NR1H4: variants seen among roughly 807,000 people sequenced by gnomAD.
NR1H4 encodes the protein nuclear receptor subfamily 1 group H member 4.
In NR1H4, 23 loss-of-function variants were observed where a neutral mutation model predicts 58.5. The ratio of observed to expected loss-of-function variants is 0.39; its 90% CI spans 0.28 to 0.56. The LOEUF (loss-of-function observed/expected upper bound fraction) is 0.56. Ranked by LOEUF, NR1H4 falls within the 20% of genes least tolerant of loss-of-function variation. NR1H4 has a pLI of 0.58. For missense variants in NR1H4, 487 were observed against 576.9 expected (o/e 0.84, Z 1.60); for synonymous variants, 214 against 198.0 (o/e 1.08, Z -0.68).
At chr12:100,526,229 C>A (rs1002913519) in intron 4 of NR1H4, among the ~76,000 whole-genome samples, 2 of 129,170 alleles carry the variant, frequency 1.5e-5, no homozygotes, top group Admixed American at 1.5e-4. Context: ...TTAATTTGTT[C>A]TTTTCTAGTT....
intron 4 of NR1H4, among the ~76,000 whole-genome samples, chr12:100,511,352 T>TAG (rs1486408043): frequency 6.6e-6 from 1 of 152,218 alleles, no homozygotes; most frequent in Admixed American, 6.5e-5. Context: ...TTAAGACTGT[T>TAG]AGAGTATCTA....
intron 9 of NR1H4, among the ~76,000 whole-genome samples, chr12:100,551,727 T>C (rs1411978872): frequency 2.0e-5 from 3 of 152,246 alleles, no homozygotes; most frequent in Non-Finnish European, 2.9e-5. Context: ...TTAGATATTA[T>C]GTATTTATTT....
At position 100,475,159 on chromosome 12, in the gene NR1H4, A is replaced by ATCTATCTATCTATCT. The variant is rs1555330004; in HGVS notation, c.-190+1100_-190+1101insTCTATCTATCTATCT. Reference sequence around the variant, plus strand: ...TATCTATCTATCTATCTATCTATCTAAATTTTTTTTTCTGTTCCTAAAAAA... The same window carrying ATCTATCTATCTATCT: ...TATCTATCTATCTATCTATCTATCTATCTATCTATCTATCTAATTTTTTTTTCTGTTCCTAAAAAA... On this transcript the variant is annotated intron_variant, in intron 1 of 10. Transcript: ENST00000392986. 3.1e-3 allele frequency among the ~76,000 whole-genome samples: 455 copies of ATCTATCTATCTATCT among 147,846 alleles called. 1 individual carries two copies. The highest frequency in any genetic ancestry group is 0.011 in the African/African-American group (409 of 38,154).
intron 8 of NR1H4, among the ~76,000 whole-genome samples, chr12:100,537,470 G>A: frequency 6.6e-6 from 1 of 152,140 alleles, no homozygotes; most frequent in East Asian, 1.9e-4. Context: ...TATACTAAGT[G>A]CCTGGCTATT....
At chr12:100,503,255 G>A in intron 3 of NR1H4, 1 of 1,157,826 alleles carries the variant, frequency 8.6e-7, no homozygotes, top group South Asian at 2.0e-5. Context: ...AGGCAATTTG[G>A]CATTAAGAAC....
At chr12:100,532,724 C>T in intron 5 of NR1H4, 114 bp downstream of exon 5, 1 of 944,890 alleles carries the variant, frequency 1.1e-6, no homozygotes. Context: ...ACTAAGCCAT[C>T]TAAGTTCTTG....
intron 1 of NR1H4, among the ~76,000 whole-genome samples, chr12:100,490,241 A>G (rs1370137986): frequency 2.0e-5 from 3 of 152,212 alleles, no homozygotes; most frequent in Non-Finnish European, 4.4e-5. Flanking sequence ...TGAAGAAAAT[A>G]TATCACAGGA....
At chr12:100,536,451 A>G (rs1954815273) in intron 6 of NR1H4, 61 bp from the exon 7 acceptor site, 1 of 948,352 alleles carries the variant, frequency 1.1e-6, no homozygotes, top group Non-Finnish European at 1.7e-6. Context: ...ATGAATGCAC[A>G]TATAGAAAGA....
At position 100,540,625 on chromosome 12, in the gene NR1H4, A is replaced by T. The variant is rs1232491724; in HGVS notation, c.932-47A>T. 1.9e-6 allele frequency: 3 copies of T among 1,589,782 alleles called. No individual in the cohort carries two copies. The African/African-American group carries it at 4.0e-5, about 21-fold the overall frequency. On this transcript the variant is annotated intron_variant, in intron 8 of 10. Coordinates refer to ENST00000392986, the MANE Select transcript of NR1H4 (RefSeq NM_001206979.2). ...ATCAATGGCAATGATGGTGATCATG[A>T]AATATTGTTACTCCTTGATACCAAT...
chr12:100,560,484 G>A (rs1955444509), intron 9 of NR1H4, among the ~76,000 whole-genome samples: 1 of 152,022 alleles, frequency 6.6e-6, no homozygotes. Flanking sequence ...CTCCAGACGT[G>A]CTGCCTTAAG....
intron 4 of NR1H4, among the ~76,000 whole-genome samples, chr12:100,512,705 C>T (rs922697283): frequency 6.6e-6 from 1 of 151,798 alleles, no homozygotes; most frequent in Non-Finnish European, 1.5e-5. Context: ...CACAGATAAT[C>T]GTGGTATTTA....
chr12:100,477,510 T>C (rs1283847227), intron 1 of NR1H4, among the ~76,000 whole-genome samples: 1 of 152,134 alleles, frequency 6.6e-6, no homozygotes, highest in African/African-American at 2.4e-5. Context: ...TTAATGTTAT[T>C]AATGTAAAGA....
At chr12:100,477,348 G>A (rs1953292734) in intron 1 of NR1H4, among the ~76,000 whole-genome samples, 1 of 151,694 alleles carries the variant, frequency 6.6e-6, no homozygotes, top group Non-Finnish European at 1.5e-5. Context: ...AAATAAATAA[G>A]TATAAATATA....
chr12:100,477,266 A>C (rs1854406961), intron 1 of NR1H4, among the ~76,000 whole-genome samples: 1 of 152,188 alleles, frequency 6.6e-6, no homozygotes, highest in Non-Finnish European at 1.5e-5. Context: ...AAAATTGCAA[A>C]TATTGCACAG....
At chr12:100,480,803 A>G (rs1268878338) in intron 1 of NR1H4, among the ~76,000 whole-genome samples, 2 of 152,198 alleles carry the variant, frequency 1.3e-5, no homozygotes, top group Non-Finnish European at 1.5e-5. Context: ...TCTGCTGGTT[A>G]TGCCTGGGTT....
intron 3 of NR1H4, chr12:100,503,399 G>A (rs781654919): frequency 6.3e-7 from 1 of 1,597,208 alleles, no homozygotes; most frequent in Non-Finnish European, 8.5e-7. Context: ...TGGTAATGCA[G>A]TTTCAGGGGT....
intron 8 of NR1H4, among the ~76,000 whole-genome samples, chr12:100,539,647 A>G (rs1954891539): frequency 6.6e-6 from 1 of 152,214 alleles, no homozygotes; most frequent in Non-Finnish European, 1.5e-5. Context: ...TCAATTATCC[A>G]ACAAATAATT....
At position 100,476,892 on chromosome 12, in the gene NR1H4, T is replaced by TTCCCC. The variant is rs564706426; in HGVS notation, c.-190+2834_-190+2835insCCCCT. 1.1e-3 allele frequency among the ~76,000 whole-genome samples: 167 copies of TTCCCC among 152,164 alleles called. 2 individuals carry two copies. The highest frequency in any genetic ancestry group is 2.0e-3 in the Admixed American group (30 of 15,264). ...ACATAGAGAGACACCACCTCAAAATTTTTTTTAAAAAATAAGAAATAGGAA... is the reference window on the plus strand; with the variant it reads ...ACATAGAGAGACACCACCTCAAAATTTCCCCTTTTTTAAAAAATAAGAAATAGGAA... On this transcript the variant is annotated intron_variant, in intron 1 of 10. Coordinates refer to ENST00000392986, the MANE Select transcript of NR1H4 (RefSeq NM_001206979.2).
At chr12:100,508,776 G>A (rs183231219) in intron 3 of NR1H4, among the ~76,000 whole-genome samples, 75 of 152,284 alleles carry the variant, frequency 4.9e-4, no homozygotes, top group African/African-American at 1.8e-3. Flanking sequence ...GCACAGCAAA[G>A]AGCATTGCCA....
Sources: allele counts gnomAD v4.1 joint callset (sites outside exome capture counted in the v4.1 genomes callset), GRCh38; gene constraint gnomAD v4.1.1; transcripts MANE v1.5; gene names NCBI Gene and HGNC (gene_info 2026-07-23, HGNC 2026-07-21).